The following FAM117B variants were observed in gnomAD, a reference collection of about 807,000 sequenced individuals.
FAM117B encodes the protein protein FAM117B.
Under a neutral mutation model 52.8 loss-of-function variants are expected in FAM117B, and 22 were observed. That is an observed-to-expected ratio of 0.42 (90% CI 0.30 to 0.59). The LOEUF is 0.59. Ranked by LOEUF, FAM117B falls within the 20% of genes least tolerant of loss-of-function variation. The pLI, the probability that FAM117B is intolerant of heterozygous loss-of-function variation, is 0.22. For synonymous variants in FAM117B, 309 were observed against 324.1 expected (o/e 0.95, Z 0.50); for missense variants, 678 against 802.6 (o/e 0.84, Z 1.88).
intron 7 of FAM117B, among the ~76,000 whole-genome samples, chr2:202,763,708 A>C (rs1691934019): frequency 6.6e-6 from 1 of 152,230 alleles, no homozygotes; most frequent in African/African-American, 2.4e-5. Context: ...ATAGTGCCCA[A>C]GTTGAACATA....
intron 1 of FAM117B, among the ~76,000 whole-genome samples, chr2:202,648,541 A>G (rs1193983501): frequency 7.8e-6 from 1 of 127,544 alleles, no homozygotes; most frequent in African/African-American, 3.3e-5. Context: ...AACAAAAAAT[A>G]CATATATATA....
rs1215323176 is a variant in FAM117B, at chr2:202,755,481, A to G, written c.961-57A>G. On this transcript the variant is annotated intron_variant, in intron 4 of 7. Coordinates refer to ENST00000392238, the MANE Select transcript of FAM117B (RefSeq NM_173511.4). Reference sequence around the variant, plus strand: ...CTTATGTCTGTTGGAATTACGCTTCAGCCTAGAAAATTAAAAGGTAATGTT... The same window carrying G: ...CTTATGTCTGTTGGAATTACGCTTCGGCCTAGAAAATTAAAAGGTAATGTT... 5 of 1,582,004 alleles carry G rather than the reference A, an allele frequency of 3.2e-6. No individual in the cohort carries two copies. The East Asian group carries it at 9.0e-5, about 28-fold the overall frequency.
chr2:202,696,470 G>A lies in FAM117B; in HGVS notation c.753+438G>A, dbSNP rs559061273. On this transcript the variant is annotated intron_variant, in intron 2 of 7. Transcript: ENST00000392238. Reference sequence around the variant, plus strand: ...TTAAGAAAGTTTACGAATTTATGTCGGGCTGCATTCAAAACCATCCTGGTC... The same window carrying A: ...TTAAGAAAGTTTACGAATTTATGTCAGGCTGCATTCAAAACCATCCTGGTC... Among the ~76,000 whole-genome samples, 35 of 152,220 alleles carry A rather than the reference G, an allele frequency of 2.3e-4. 1 individual carries two copies. The South Asian group carries it at 7.3e-3, about 32-fold the overall frequency.
At chr2:202,727,503 G>A (rs954341801) in intron 4 of FAM117B, among the ~76,000 whole-genome samples, 17 of 151,708 alleles carry the variant, frequency 1.1e-4, no homozygotes, top group Non-Finnish European at 1.8e-4. Flanking sequence ...AATAGAATAT[G>A]TATAAATATA....
intron 3 of FAM117B, among the ~76,000 whole-genome samples, chr2:202,726,001 T>C (rs1691237878): frequency 6.6e-6 from 1 of 152,214 alleles, no homozygotes; most frequent in African/African-American, 2.4e-5. Context: ...TGTAATTTAT[T>C]CTAAGTGCTG....
chr2:202,672,203 C>T lies in FAM117B; in HGVS notation c.602-23678C>T, dbSNP rs373532977. 5.3e-5 allele frequency among the ~76,000 whole-genome samples: 8 copies of T among 152,234 alleles called. No homozygotes were observed. In the South Asian group the frequency reaches 1.2e-3, roughly 24 times the overall value. ...AGCATATAATTAATTACTATTTTCA[C>T]CACCTGCCTCCCCCTCCTTTTTGTT... On this transcript the variant is annotated intron_variant, in intron 1 of 7. Coordinates refer to ENST00000392238, the MANE Select transcript of FAM117B (RefSeq NM_173511.4).
intron 4 of FAM117B, among the ~76,000 whole-genome samples, chr2:202,731,257 C>A (rs1195532838): frequency 7.0e-6 from 1 of 142,558 alleles, no homozygotes. Context: ...CAGTGAAATA[C>A]CAGTTCATAT....
In FAM117B at chr2:202,767,571, A is replaced by T. The variant is rs983477430; in HGVS notation, c.*1807A>T. 1.3e-5 allele frequency: 2 copies of T among 152,200 alleles called. No homozygotes were observed. Among genetic ancestry groups the T allele is most frequent in the African/African-American group, 2.4e-5 (1 of 41,444 alleles). The allele number at this position is 152,200 out of a possible 1,614,324, so 9.4% of individuals were successfully genotyped here. A position where few individuals can be genotyped will look rare whatever the true frequency, so the allele number is the denominator to read the frequency against. On this transcript the variant is annotated 3_prime_UTR_variant, in exon 8 of 8. Transcript: ENST00000392238. ...ATGCAATAATTTACTGTTCCTATAC[A>T]TATTATAAGGTAGAAAAAAGTTTTT...
rs188667592 is a variant in FAM117B, at chr2:202,669,517, C to T, written c.602-26364C>T. Among the ~76,000 whole-genome samples the T allele has an allele frequency of 4.8e-3, 726 of 152,100 alleles. 5 individuals carry two copies. The highest frequency in any genetic ancestry group is 0.016 in the African/African-American group (683 of 41,518). On this transcript the variant is annotated intron_variant, in intron 1 of 7. Coordinates refer to ENST00000392238, the MANE Select transcript of FAM117B (RefSeq NM_173511.4). ...AGTGAATCAGAAGATGTTCTTCCTCCTCAAATTTTCTAGATTTTTTTTTTG... is the reference window on the plus strand; with the variant it reads ...AGTGAATCAGAAGATGTTCTTCCTCTTCAAATTTTCTAGATTTTTTTTTTG...
chr2:202,726,415 G>A (rs752371928), intron 4 of FAM117B, 52 bp downstream of exon 4: 2 of 1,373,592 alleles, frequency 1.5e-6, no homozygotes, highest in South Asian at 2.5e-5. Flanking sequence ...TGTTTTTCTG[G>A]TGATTTGTTA....
At chr2:202,654,452 A>G (rs1452919593) in intron 1 of FAM117B, among the ~76,000 whole-genome samples, 1 of 152,056 alleles carries the variant, frequency 6.6e-6, no homozygotes, top group Non-Finnish European at 1.5e-5. Context: ...ATAGCCCACT[A>G]TTGAGTAGTT....
At chr2:202,753,838 C>A (rs947794575) in intron 4 of FAM117B, among the ~76,000 whole-genome samples, 3 of 151,636 alleles carry the variant, frequency 2.0e-5, no homozygotes, top group African/African-American at 7.3e-5. Context: ...CATCTCACGC[C>A]AGTCAGAATG....
At chr2:202,749,066 AT>A (rs1691681522) in intron 4 of FAM117B, among the ~76,000 whole-genome samples, 1 of 152,150 alleles carries the variant, frequency 6.6e-6, no homozygotes, top group South Asian at 2.1e-4. Context: ...AATAAATCCA[AT>A]TTAGAGAGTT....
At position 202,769,441 on chromosome 2, in the gene FAM117B, A is replaced by ACT. The variant is rs1429261474; in HGVS notation, c.*3680_*3681dup. The ACT allele has an allele frequency of 2.6e-5, 4 of 152,614 alleles. No homozygotes were observed. Among genetic ancestry groups the ACT allele is most frequent in the African/African-American group, 9.7e-5 (4 of 41,448 alleles). 9.5% of individuals were successfully genotyped at this position (152,614 alleles called of 1,614,324 possible). A position where few individuals can be genotyped will look rare whatever the true frequency, so the allele number is the denominator to read the frequency against. ...TGCAAAATAAAGCTAAGAATGCTTAACTCTGCACTTTAAGTTCTACTCTGA... is the reference window on the plus strand; with the variant it reads ...TGCAAAATAAAGCTAAGAATGCTTAACTCTCTGCACTTTAAGTTCTACTCTGA... On this transcript the variant is annotated 3_prime_UTR_variant, in exon 8 of 8. Transcript: ENST00000392238.
In FAM117B at chr2:202,744,461, A is replaced by G. The variant is rs575129118; in HGVS notation, c.961-11077A>G. Among the ~76,000 whole-genome samples the G allele has an allele frequency of 8.5e-5, 13 of 152,272 alleles. No individual in the cohort carries two copies. In the East Asian group the frequency reaches 2.3e-3, roughly 27 times the overall value. On this transcript the variant is annotated intron_variant, in intron 4 of 7. Coordinates refer to ENST00000392238, the MANE Select transcript of FAM117B (RefSeq NM_173511.4). ...TGAGAAATCTGCCTCCATGTCCCAA[A>G]CACTTCCCGTTACGCCCCACCTTCA...
chr2:202,651,037 A>C (rs978258494), intron 1 of FAM117B, among the ~76,000 whole-genome samples: 13 of 148,074 alleles, frequency 8.8e-5, no homozygotes, highest in Admixed American at 6.1e-4. Context: ...TTATTTTTGG[A>C]TGTTCCCTTC....
At chr2:202,719,248 G>T (rs1024061054) in intron 2 of FAM117B, among the ~76,000 whole-genome samples, 15 of 152,108 alleles carry the variant, frequency 9.9e-5, no homozygotes, top group African/African-American at 3.6e-4. Flanking sequence ...GACCAAAGCT[G>T]TCTGTTGTTC....
intron 1 of FAM117B, among the ~76,000 whole-genome samples, chr2:202,692,753 T>C (rs1574558112): frequency 6.6e-6 from 1 of 152,218 alleles, no homozygotes; most frequent in East Asian, 1.9e-4. Context: ...TTTGTCATTA[T>C]GATTTGTAGT....
At chr2:202,669,380 C>T (rs1193671644) in intron 1 of FAM117B, among the ~76,000 whole-genome samples, 1 of 152,134 alleles carries the variant, frequency 6.6e-6, no homozygotes, top group Non-Finnish European at 1.5e-5. Flanking sequence ...CCAGGCTTTT[C>T]AGTCCCAAAT....
Sources: gnomAD v4.1 joint callset for allele counts (sites outside exome capture counted in the v4.1 genomes callset) on GRCh38, gnomAD v4.1.1 for gene constraint, MANE v1.5 for transcripts, NCBI Gene and HGNC (gene_info 2026-07-23, HGNC 2026-07-21) for gene names.